The following ARL6IP6 variants were observed in gnomAD, a reference collection of about 807,000 sequenced individuals.
The protein encoded by ARL6IP6 is ADP-ribosylation factor-like protein 6-interacting protein 6.
Under a neutral mutation model 21.5 loss-of-function variants are expected in ARL6IP6, and 22 were observed. The ratio of observed to expected loss-of-function variants is 1.02; its 90% CI spans 0.73 to 1.46. The LOEUF (loss-of-function observed/expected upper bound fraction) is 1.46. ARL6IP6 is among the 40% of genes most tolerant of loss of function. The probability of loss-of-function intolerance (pLI) is 0.00; values close to 1 mark genes in which losing one functional copy is unlikely to be tolerated. For missense variants in ARL6IP6, 388 were observed against 299.8 expected (o/e 1.29, Z -2.17); for synonymous variants, 164 against 125.3 (o/e 1.31, Z -2.06).
At chr2:152,741,113 AC>A (rs1700788085) in intron 3 of ARL6IP6, among the ~76,000 whole-genome samples, 1 of 152,098 alleles carries the variant, frequency 6.6e-6, no homozygotes, top group African/African-American at 2.4e-5. Context: ...GTATTTTATC[AC>A]CTAAAATAAG....
intron 2 of ARL6IP6, among the ~76,000 whole-genome samples, chr2:152,723,867 A>G (rs921128934): frequency 7.9e-5 from 12 of 152,192 alleles, no homozygotes; most frequent in African/African-American, 2.7e-4. Context: ...CAAGTTGAGT[A>G]AAACTCAGTT....
At chr2:152,739,387 G>C (rs1475489608) in intron 3 of ARL6IP6, among the ~76,000 whole-genome samples, 2 of 152,186 alleles carry the variant, frequency 1.3e-5, no homozygotes, top group African/African-American at 4.8e-5. Flanking sequence ...CAAGTTCGAA[G>C]TTCCACAGAT....
intron 2 of ARL6IP6, among the ~76,000 whole-genome samples, chr2:152,732,098 A>T (rs1462528598): frequency 6.6e-6 from 1 of 151,986 alleles, no homozygotes; most frequent in Admixed American, 6.6e-5. Context: ...TACAGAGAAC[A>T]ATCTTGTATA....
At chr2:152,720,907 A>AT (rs1465138882) in intron 2 of ARL6IP6, among the ~76,000 whole-genome samples, 2 of 152,204 alleles carry the variant, frequency 1.3e-5, no homozygotes, top group African/African-American at 4.8e-5. Context: ...TCTGGGCAAC[A>AT]TAGTGAGACC....
intron 2 of ARL6IP6, among the ~76,000 whole-genome samples, chr2:152,724,502 A>G (rs1360932181): frequency 6.6e-6 from 1 of 152,244 alleles, no homozygotes; most frequent in Admixed American, 6.5e-5. Flanking sequence ...AGAATGGGTT[A>G]TCAGCAAGAA....
chr2:152,759,921 A>T lies in ARL6IP6; in HGVS notation c.*81A>T. 8.7e-7 allele frequency: 1 copy of T among 1,148,164 alleles called. No individual in the cohort carries two copies. Among genetic ancestry groups the T allele is most frequent in the Non-Finnish European group, 1.3e-6 (1 of 765,726 alleles). 71.1% of individuals were successfully genotyped at this position (1,148,164 alleles called of 1,614,324 possible). A position where few individuals can be genotyped will look rare whatever the true frequency, so the allele number is the denominator to read the frequency against. Reference sequence around the variant, plus strand: ...CAAGAAGGAGCATCACTGTCTACTCAGAAGACTGAGAAACCTGCTGTTCAT... The same window carrying T: ...CAAGAAGGAGCATCACTGTCTACTCTGAAGACTGAGAAACCTGCTGTTCAT... On this transcript the variant is annotated 3_prime_UTR_variant, in exon 4 of 4. Coordinates refer to ENST00000326446, the MANE Select transcript of ARL6IP6 (RefSeq NM_152522.7).
At chr2:152,739,041 G>A (rs1700684154) in intron 3 of ARL6IP6, among the ~76,000 whole-genome samples, 1 of 151,422 alleles carries the variant, frequency 6.6e-6, no homozygotes, top group Non-Finnish European at 1.5e-5. Flanking sequence ...GGAGTGCAGT[G>A]GCGTGATCTT....
At chr2:152,720,239 A>G (rs1198863257) in intron 1 of ARL6IP6, 4 of 420,384 alleles carry the variant, frequency 9.5e-6, no homozygotes, top group African/African-American at 4.0e-5. Context: ...TATTTGGAAG[A>G]ATAGAGAAAG....
intron 3 of ARL6IP6, among the ~76,000 whole-genome samples, chr2:152,736,624 C>T (rs972840328): frequency 2.0e-5 from 3 of 152,164 alleles, no homozygotes; most frequent in East Asian, 1.9e-4. Context: ...GGCCTTCTGT[C>T]CTCTAAGTTC....
Position 152,719,036 on chromosome 2 carries a change from G to A in ARL6IP6, c.400+12G>A. On this transcript the variant is annotated intron_variant, in intron 1 of 3. Coordinates refer to ENST00000326446, the MANE Select transcript of ARL6IP6 (RefSeq NM_152522.7). ...CTTGATCGTTAAAGGTATTGAAGCCGACGCCTTGAAAGTCTGTCCAGAGTA... is the reference window on the plus strand; with the variant it reads ...CTTGATCGTTAAAGGTATTGAAGCCAACGCCTTGAAAGTCTGTCCAGAGTA... 5.9e-6 allele frequency: 9 copies of A among 1,526,190 alleles called. No individual in the cohort carries two copies. Among genetic ancestry groups the A allele is most frequent in the Non-Finnish European group, 7.9e-6 (9 of 1,136,726 alleles). 94.5% of individuals were successfully genotyped at this position (1,526,190 alleles called of 1,614,324 possible). A position where few individuals can be genotyped will look rare whatever the true frequency, so the allele number is the denominator to read the frequency against.
At chr2:152,755,131 A>G (rs1447959210) in intron 3 of ARL6IP6, among the ~76,000 whole-genome samples, 1 of 152,244 alleles carries the variant, frequency 6.6e-6, no homozygotes, top group Non-Finnish European at 1.5e-5. Context: ...AGAAGTAACC[A>G]GAAGACAGAA....
intron 3 of ARL6IP6, among the ~76,000 whole-genome samples, chr2:152,738,505 C>T (rs544430356): frequency 1.6e-4 from 24 of 152,348 alleles, no homozygotes; most frequent in African/African-American, 4.8e-4. Context: ...TTCCATACAT[C>T]CTCTGAAATC....
upstream of ARL6IP6, chr2:152,717,688 A>T (rs1290565680): frequency 7.1e-7 from 1 of 1,404,738 alleles, no homozygotes; most frequent in African/African-American, 1.5e-5. Flanking sequence ...TCCGTCGGGA[A>T]AACTCTACCA....
At chr2:152,728,629 C>T (rs931282571) in intron 2 of ARL6IP6, among the ~76,000 whole-genome samples, 1 of 151,966 alleles carries the variant, frequency 6.6e-6, no homozygotes, top group Non-Finnish European at 1.5e-5. Context: ...AAAAATAAGC[C>T]AAAACAAATA....
Position 152,718,875 on chromosome 2 carries a change from C to T in ARL6IP6, c.251C>T (p.Pro84Leu), listed in dbSNP as rs1434819036. 2 of 1,613,692 alleles carry T rather than the reference C, an allele frequency of 1.2e-6. No individual in the cohort carries two copies. The highest frequency in any genetic ancestry group is 1.7e-6 in the Non-Finnish European group (2 of 1,179,878). Residue 84 changes from proline (P) to leucine (L), a missense_variant, in exon 1 of 4, where the codon CCC becomes CTC. Transcript: ENST00000326446. Reference sequence around the variant, plus strand: ...GACGGGAACGGGTCGCCCGTTCTGCCCGATAAGCGCAATGGTATCTTTCCC... The same window carrying T: ...GACGGGAACGGGTCGCCCGTTCTGCTCGATAAGCGCAATGGTATCTTTCCC... ...PPDGNGSPVL[P>L]DKRNGIFPAA... is the part of the protein sequence containing the mutation.
rs67760283 is a variant in ARL6IP6, at chr2:152,746,001, C to CTTTT, written c.587+10905_587+10908dup. On this transcript the variant is annotated intron_variant, in intron 3 of 3. Coordinates refer to ENST00000326446, the MANE Select transcript of ARL6IP6 (RefSeq NM_152522.7). ...CAGCTAATGAGTGCTTGCTTTGTAC[C>CTTTT]TTTTTTTTTTTTTTTTTTTTTTTTT... Among the ~76,000 whole-genome samples the CTTTT allele has an allele frequency of 3.5e-3, 234 of 66,376 alleles. 15 individuals are homozygous for CTTTT. Among genetic ancestry groups the CTTTT allele is most frequent in the African/African-American group, 0.011 (105 of 9,858 alleles). 43.5% of individuals were successfully genotyped at this position (66,376 alleles called of 152,430 possible).
chr2:152,728,755 A>G (rs1700160669), intron 2 of ARL6IP6, among the ~76,000 whole-genome samples: 1 of 152,160 alleles, frequency 6.6e-6, no homozygotes, highest in Non-Finnish European at 1.5e-5. Flanking sequence ...ATTGATGGAA[A>G]AGATTAGTAT....
At chr2:152,750,061 A>G (rs1701251017) in intron 3 of ARL6IP6, among the ~76,000 whole-genome samples, 1 of 152,226 alleles carries the variant, frequency 6.6e-6, no homozygotes, top group Non-Finnish European at 1.5e-5. Flanking sequence ...CCTCTGCATC[A>G]TTGTTCTAGT....
In ARL6IP6 at chr2:152,720,556, A is replaced by C. The variant is rs1180866886; in HGVS notation, c.424A>C (p.Asn142His). Reference sequence around the variant, plus strand: ...AGAGTTGCATGCTGAGAATTTGAAAAATGAAGATGATGTAGACACTGGACT... The same window carrying C: ...AGAGTTGCATGCTGAGAATTTGAAACATGAAGATGATGTAGACACTGGACT... ...VKELHAENLKNEDDVDTGLLG... is the reference protein window; with the variant it reads ...VKELHAENLKHEDDVDTGLLG... Residue 142 changes from asparagine (N) to histidine (H), a missense_variant, in exon 2 of 4, where the codon AAT becomes CAT. Coordinates refer to ENST00000326446, the MANE Select transcript of ARL6IP6 (RefSeq NM_152522.7). 3.1e-6 allele frequency: 5 copies of C among 1,613,966 alleles called. No individual in the cohort carries two copies. The African/African-American group carries it at 5.3e-5, about 17-fold the overall frequency.
Sources: allele counts gnomAD v4.1 joint callset (sites outside exome capture counted in the v4.1 genomes callset), GRCh38; gene constraint gnomAD v4.1.1; transcripts MANE v1.5; gene names NCBI Gene and HGNC (gene_info 2026-07-23, HGNC 2026-07-21).